Variants in IFT81 observed in about 807,000 individuals in gnomAD.
The protein encoded by IFT81 is intraflagellar transport protein 81 homolog.
In IFT81, 72 loss-of-function variants were observed where a neutral mutation model predicts 102.6. The observed-to-expected ratio is 0.70, with a 90% CI of 0.58 to 0.85. The LOEUF is 0.85. Ranked by LOEUF, IFT81 falls within the 40% of genes least tolerant of loss-of-function variation. IFT81 has a pLI of 0.00. For synonymous variants in IFT81, 237 were observed against 242.7 expected (o/e 0.98, Z 0.22); for missense variants, 723 against 787.3 (o/e 0.92, Z 0.98).
chr12:110,140,167 A>G (rs1423143128), intron 8 of IFT81, among the ~76,000 whole-genome samples: 3 of 152,134 alleles, frequency 2.0e-5, no homozygotes, highest in Admixed American at 6.6e-5. Context: ...GGTTTGCTAC[A>G]TAAGTATACA....
chr12:110,128,514 G>A (rs1038590929), intron 3 of IFT81, among the ~76,000 whole-genome samples: 1 of 151,624 alleles, frequency 6.6e-6, no homozygotes, highest in African/African-American at 2.4e-5. Context: ...TTGGGGCCAG[G>A]CATGGTAGCT....
chr12:110,133,459 G>GAA (rs10710074), intron 5 of IFT81, among the ~76,000 whole-genome samples: 4 of 133,362 alleles, frequency 3.0e-5, no homozygotes, highest in Admixed American at 7.6e-5. Context: ...TCTGTCTCCA[G>GAA]AAAAAAAAAA....
chr12:110,154,904 TTTG>T (rs1895754190), intron 10 of IFT81, among the ~76,000 whole-genome samples: 1 of 151,482 alleles, frequency 6.6e-6, no homozygotes, highest in South Asian at 2.1e-4. Context: ...GTTGATTTAT[TTTG>T]TTGTTTAAGT....
At chr12:110,192,032 G>A (rs1444296468) in intron 13 of IFT81, among the ~76,000 whole-genome samples, 3 of 151,986 alleles carry the variant, frequency 2.0e-5, no homozygotes, top group African/African-American at 4.8e-5. Context: ...TCAGCCGGGC[G>A]TGGTGTCGCA....
At chr12:110,182,680 T>C (rs532653025) in intron 12 of IFT81, among the ~76,000 whole-genome samples, 1 of 152,346 alleles carries the variant, frequency 6.6e-6, no homozygotes, top group South Asian at 2.1e-4. Flanking sequence ...CCTGCTGATC[T>C]ATTGACATGA....
chr12:110,177,485 T>C (rs1009153139), intron 11 of IFT81, among the ~76,000 whole-genome samples: 3 of 152,162 alleles, frequency 2.0e-5, no homozygotes, highest in Non-Finnish European at 4.4e-5. Flanking sequence ...AGTTTGGCCA[T>C]ACTGGCCAGG....
At chr12:110,135,540 T>A in intron 7 of IFT81, 103 bp downstream of exon 7, 1 of 666,146 alleles carries the variant, frequency 1.5e-6, no homozygotes, top group Non-Finnish European at 2.6e-6. Flanking sequence ...TTCACGTTCC[T>A]TTTGCTAACA....
intron 14 of IFT81, among the ~76,000 whole-genome samples, chr12:110,200,293 T>C (rs776763500): frequency 6.6e-6 from 1 of 152,230 alleles, no homozygotes; most frequent in Non-Finnish European, 1.5e-5. Flanking sequence ...ATATCTAGGC[T>C]ATATGGTAGA....
At chr12:110,180,240 TAA>T (rs1491584603) in intron 11 of IFT81, among the ~76,000 whole-genome samples, 180 bp from the exon 12 acceptor site, 3 of 142,352 alleles carry the variant, frequency 2.1e-5, no homozygotes, top group Non-Finnish European at 4.6e-5. Context: ...ACTAAATTAT[TAA>T]GTTATTATAT....
intron 9 of IFT81, among the ~76,000 whole-genome samples, chr12:110,145,028 A>ATTTTT (rs753990394): frequency 9.0e-6 from 1 of 111,036 alleles, no homozygotes; most frequent in African/African-American, 3.5e-5. Context: ...ACTATGCCTA[A>ATTTTT]TTTTTTTTTT....
intron 10 of IFT81, among the ~76,000 whole-genome samples, chr12:110,156,012 G>A (rs1353924204): frequency 2.0e-5 from 3 of 152,048 alleles, no homozygotes; most frequent in African/African-American, 7.3e-5. Flanking sequence ...TTTACACATT[G>A]TGTGCCCCAA....
intron 11 of IFT81, 36 bp from the exon 12 acceptor site, chr12:110,180,383 TTTC>T (rs777159407): frequency 2.4e-5 from 34 of 1,395,920 alleles, no homozygotes; most frequent in Admixed American, 3.9e-5. Context: ...AGCTACTACT[TTTC>T]TACTCATTAG....
At chr12:110,198,213 C>A (rs529875101) in intron 14 of IFT81, among the ~76,000 whole-genome samples, 4 of 151,122 alleles carry the variant, frequency 2.6e-5, no homozygotes, top group African/African-American at 9.7e-5. Context: ...TGTGAGTGTG[C>A]GCGTATGTGT....
At chr12:110,143,348 T>C in intron 8 of IFT81, 34 bp from the exon 9 acceptor site, 1 of 1,185,524 alleles carries the variant, frequency 8.4e-7, no homozygotes, top group South Asian at 2.0e-5. Context: ...ACCTACTCTT[T>C]TGGGCTGAAT....
intron 14 of IFT81, among the ~76,000 whole-genome samples, chr12:110,195,201 C>T (rs1246656630): frequency 6.6e-6 from 1 of 152,098 alleles, no homozygotes; most frequent in Admixed American, 6.6e-5. Flanking sequence ...TTCCCCTCCT[C>T]ACTCATCCCC....
intron 4 of IFT81, among the ~76,000 whole-genome samples, chr12:110,129,515 C>T (rs1345110161): frequency 2.0e-5 from 3 of 152,062 alleles, no homozygotes; most frequent in Non-Finnish European, 4.4e-5. Context: ...AACACCAAGA[C>T]AAATGGTTTA....
In IFT81 at chr12:110,194,155, C is replaced by A. The variant is rs190586674; in HGVS notation, c.1557+1449C>A. On this transcript the variant is annotated intron_variant, in intron 14 of 18. Coordinates refer to ENST00000242591, the MANE Select transcript of IFT81 (RefSeq NM_014055.4). Reference sequence around the variant, plus strand: ...GCTAAACCGTTCATGAGAATTTCACCCCCACGATCCAATCACCTCCCACCA... The same window carrying A: ...GCTAAACCGTTCATGAGAATTTCACACCCACGATCCAATCACCTCCCACCA... Among the ~76,000 whole-genome samples the A allele has an allele frequency of 3.3e-5, 5 of 152,232 alleles. No individual in the cohort carries two copies. The East Asian group carries it at 9.6e-4, about 29-fold the overall frequency.
At chr12:110,207,946 A>G (rs1280572331) in intron 17 of IFT81, among the ~76,000 whole-genome samples, 4 of 152,148 alleles carry the variant, frequency 2.6e-5, no homozygotes, top group African/African-American at 9.7e-5. Flanking sequence ...TTTTTACATT[A>G]AAATTTTTTT....
At chr12:110,135,728 A>G (rs188440793) in intron 7 of IFT81, among the ~76,000 whole-genome samples, 2 of 152,012 alleles carry the variant, frequency 1.3e-5, no homozygotes, top group Non-Finnish European at 2.9e-5. Context: ...TTAGCTGGGC[A>G]TGGTGGCACA....
Sources: allele counts gnomAD v4.1 joint callset (sites outside exome capture counted in the v4.1 genomes callset), GRCh38; gene constraint gnomAD v4.1.1; transcripts MANE v1.5; gene names NCBI Gene and HGNC (gene_info 2026-07-23, HGNC 2026-07-21).